The following SGCG variants were observed in gnomAD, a reference collection of about 807,000 sequenced individuals.
The protein encoded by SGCG is gamma-sarcoglycan.
Under a neutral mutation model 29.3 loss-of-function variants are expected in SGCG, and 26 were observed. The ratio of observed to expected loss-of-function variants is 0.89; its 90% CI spans 0.65 to 1.23. SGCG has a LOEUF of 1.23. Ranked by LOEUF, SGCG falls within the 50% of genes most tolerant of loss-of-function variation. The probability of loss-of-function intolerance (pLI) is 0.00; values close to 1 mark genes in which losing one functional copy is unlikely to be tolerated. For missense variants in SGCG, 353 were observed against 356.0 expected (o/e 0.99, Z 0.07); for synonymous variants, 145 against 129.7 (o/e 1.12, Z -0.80).
In SGCG at chr13:23,247,134, C is replaced by T. The variant is rs76706725; in HGVS notation, c.298-3496C>T. 868 of 158,352 alleles carry T rather than the reference C, an allele frequency of 5.5e-3. 8 individuals are homozygous for T. The highest frequency in any genetic ancestry group is 0.019 in the African/African-American group (788 of 41,708). The allele number at this position is 158,352 out of a possible 1,614,324, so 9.8% of individuals were successfully genotyped here. A position where few individuals can be genotyped will look rare whatever the true frequency, so the allele number is the denominator to read the frequency against. On this transcript the variant is annotated intron_variant, in intron 3 of 7. Transcript: ENST00000218867. ...CAGAATCAAAGATCTGTTGCTTTCC[C>T]ACACCTTGGCCATCTTGCAGGAGAA... is the stretch of plus-strand genomic sequence containing the variant.
At chr13:23,288,161 A>G (rs928307449) in intron 5 of SGCG, among the ~76,000 whole-genome samples, 1 of 152,210 alleles carries the variant, frequency 6.6e-6, no homozygotes, top group African/African-American at 2.4e-5. Context: ...GATTGACTCC[A>G]GGTAGCCTTT....
chr13:23,281,410 T>G (rs1334898440), intron 5 of SGCG, among the ~76,000 whole-genome samples: 1 of 151,900 alleles, frequency 6.6e-6, no homozygotes, highest in African/African-American at 2.4e-5. Flanking sequence ...CCCCAGAGCT[T>G]CTGATTCAGC....
At chr13:23,194,508 TC>T (rs1333744799) in intron 1 of SGCG, among the ~76,000 whole-genome samples, 2 of 152,230 alleles carry the variant, frequency 1.3e-5, no homozygotes, top group Non-Finnish European at 2.9e-5. Context: ...CTTTCATTCT[TC>T]CTGATTTCTT....
intron 6 of SGCG, among the ~76,000 whole-genome samples, chr13:23,299,536 T>C (rs1324713642): frequency 4.2e-5 from 6 of 143,206 alleles, no homozygotes; most frequent in Non-Finnish European, 9.0e-5. Context: ...CACTGCAAGC[T>C]CCACCTCCCA....
intron 6 of SGCG, 91 bp from the exon 7 acceptor site, chr13:23,320,546 T>C (rs1242014155): frequency 9.2e-7 from 1 of 1,091,268 alleles, no homozygotes; most frequent in African/African-American, 1.5e-5. Flanking sequence ...ATCTTACTAG[T>C]TATATTTCCC....
At chr13:23,230,663 A>T (rs115571772) in intron 2 of SGCG, among the ~76,000 whole-genome samples, 4,058 of 152,302 alleles carry the variant, frequency 0.027, 69 homozygotes, top group Admixed American at 0.044. Flanking sequence ...GAAATTGCTT[A>T]TCATCTCAAG....
intron 1 of SGCG, among the ~76,000 whole-genome samples, chr13:23,186,639 T>C (rs780984491): frequency 3.3e-5 from 5 of 152,238 alleles, no homozygotes; most frequent in Non-Finnish European, 7.3e-5. Flanking sequence ...AACTGCATTC[T>C]GAAGTATCCC....
chr13:23,233,770 A>G (rs1879196372), intron 2 of SGCG, among the ~76,000 whole-genome samples: 1 of 152,212 alleles, frequency 6.6e-6, no homozygotes, highest in Non-Finnish European at 1.5e-5. Flanking sequence ...AATTCATAGC[A>G]TGAACGCAGG....
chr13:23,259,633 G>A (rs1880347949), intron 4 of SGCG, among the ~76,000 whole-genome samples: 1 of 152,138 alleles, frequency 6.6e-6, no homozygotes, highest in South Asian at 2.1e-4. Flanking sequence ...TAATTGTGAT[G>A]TTAGGGTGTT....
At chr13:23,191,971 C>A (rs1877277847) in intron 1 of SGCG, among the ~76,000 whole-genome samples, 1 of 151,858 alleles carries the variant, frequency 6.6e-6, no homozygotes, top group African/African-American at 2.4e-5. Flanking sequence ...GTCAGGAGAT[C>A]GAGACCATCC....
chr13:23,175,441 A>G, the SGCG span, among the ~76,000 whole-genome samples: 1 of 152,326 alleles, frequency 6.6e-6, no homozygotes, highest in Admixed American at 6.5e-5. Flanking sequence ...CACACATCAC[A>G]CTTACATTCT....
intron 5 of SGCG, 46 bp downstream of exon 5, chr13:23,279,524 T>C: frequency 6.3e-7 from 1 of 1,590,966 alleles, no homozygotes; most frequent in Non-Finnish European, 8.6e-7. Context: ...GGAGTACACA[T>C]CTGCAAAAAC....
At chr13:23,260,779 G>A (rs889415636) in intron 4 of SGCG, among the ~76,000 whole-genome samples, 8 of 151,986 alleles carry the variant, frequency 5.3e-5, no homozygotes, top group African/African-American at 1.7e-4. Flanking sequence ...TATCTGTACA[G>A]GATTTTATTT....
intron 6 of SGCG, among the ~76,000 whole-genome samples, chr13:23,310,130 A>AAGCTGGAG (rs1882516424): frequency 8.4e-6 from 1 of 118,966 alleles, no homozygotes; most frequent in South Asian, 2.7e-4. Context: ...TCTGTTGCCC[A>AAGCTGGAG]GGCTGGAGTG....
intron 4 of SGCG, among the ~76,000 whole-genome samples, chr13:23,261,048 T>A (rs933061390): frequency 6.6e-6 from 1 of 152,084 alleles, no homozygotes; most frequent in African/African-American, 2.4e-5. Context: ...ATCTTTGTGG[T>A]GTTCTTTGTA....
chr13:23,206,761 A>T (rs1877995213), intron 2 of SGCG, among the ~76,000 whole-genome samples: 1 of 152,234 alleles, frequency 6.6e-6, no homozygotes, highest in African/African-American at 2.4e-5. Context: ...AACTTAACTA[A>T]GAAGATTAAA....
Position 23,299,435 on chromosome 13 carries a change from TATATATATATA to T in SGCG, c.578+3949_578+3959del, listed in dbSNP as rs1566037420. Among the ~76,000 whole-genome samples, 125 of 20,182 alleles carry T rather than the reference TATATATATATA, an allele frequency of 6.2e-3. 18 individuals carry two copies. The highest frequency in any genetic ancestry group is 0.015 in the East Asian group (12 of 804). 13.2% of individuals were successfully genotyped at this position (20,182 alleles called of 152,430 possible). ...ATATATATATATATATATATATATA[TATATATATATA>T]TATATATATATTTTTTTTTTTTTTT... On this transcript the variant is annotated intron_variant, in intron 6 of 7. Coordinates refer to ENST00000218867, the MANE Select transcript of SGCG (RefSeq NM_000231.3).
At chr13:23,319,726 T>C (rs1219512640) in intron 6 of SGCG, among the ~76,000 whole-genome samples, 1 of 152,194 alleles carries the variant, frequency 6.6e-6, no homozygotes, top group Non-Finnish European at 1.5e-5. Flanking sequence ...TTTCTGTTTG[T>C]TCTGCTTCCT....
intron 6 of SGCG, among the ~76,000 whole-genome samples, chr13:23,312,216 C>T (rs181574166): frequency 4.3e-4 from 66 of 152,260 alleles, no homozygotes; most frequent in Non-Finnish European, 5.0e-4. Flanking sequence ...TTTCTATAAG[C>T]TAAAATTCCT....
Sources: gnomAD v4.1 joint callset for allele counts (sites outside exome capture counted in the v4.1 genomes callset) on GRCh38, gnomAD v4.1.1 for gene constraint, MANE v1.5 for transcripts, NCBI Gene and HGNC (gene_info 2026-07-23, HGNC 2026-07-21) for gene names.